CD160: variants seen among roughly 807,000 people sequenced by gnomAD.
CD160 encodes CD160 molecule, also known as CD160 antigen.
Under a neutral mutation model 19.2 loss-of-function variants are expected in CD160, and 11 were observed. The ratio of observed to expected loss-of-function variants is 0.57; its 90% confidence interval spans 0.36 to 0.95. CD160 has a LOEUF of 0.95. Among genes scored for constraint, CD160 ranks in the 40% least tolerant of loss-of-function variants. The probability of loss-of-function intolerance (pLI) is 0.01; values close to 1 mark genes in which losing one functional copy is unlikely to be tolerated. For missense variants in CD160, 182 were observed against 213.2 expected (o/e 0.85, Z 0.91); for synonymous variants, 75 against 81.1 (o/e 0.93, Z 0.40).
intron 1 of CD160, among the ~76,000 whole-genome samples, chr1:145,720,483 A>G (rs1200335817): frequency 2.0e-5 from 3 of 152,170 alleles, no homozygotes; most frequent in Non-Finnish European, 2.9e-5. Context: ...CTGTCTACTA[A>G]CAAGTCTGGT....
At chr1:145,737,095 C>T (rs1283928745) in intron 5 of CD160, 2 of 151,984 alleles carry the variant, frequency 1.3e-5, no homozygotes, top group African/African-American at 4.8e-5. Context: ...AAAACCCCAA[C>T]TATACAAAAA....
At chr1:145,726,902 A>G (rs1657072393) in intron 2 of CD160, among the ~76,000 whole-genome samples, 1 of 152,194 alleles carries the variant, frequency 6.6e-6, no homozygotes, top group East Asian at 1.9e-4. Context: ...GATCAAAAGA[A>G]TCAATGTCAC....
intron 1 of CD160, among the ~76,000 whole-genome samples, chr1:145,720,163 G>A (rs1009990237): frequency 6.6e-6 from 1 of 152,200 alleles, no homozygotes; most frequent in Non-Finnish European, 1.5e-5. Context: ...TTCTCCAAAT[G>A]TCCTTAACGC....
chr1:145,720,707 C>T (rs1656803082), intron 1 of CD160, among the ~76,000 whole-genome samples: 1 of 152,170 alleles, frequency 6.6e-6, no homozygotes, highest in East Asian at 1.9e-4. Context: ...CTCTTGTCCC[C>T]ACCCTCCCCA....
chr1:145,735,894 G>A, intron 4 of CD160, 103 bp from the exon 5 acceptor site: 1 of 802,628 alleles, frequency 1.2e-6, no homozygotes, highest in East Asian at 2.5e-5. Flanking sequence ...TACAGAGGGA[G>A]GAATCCTTGG....
At chr1:145,729,055 C>T (rs1464986927) in intron 3 of CD160, among the ~76,000 whole-genome samples, 2 of 152,154 alleles carry the variant, frequency 1.3e-5, no homozygotes, top group African/African-American at 4.8e-5. Context: ...AATACCTGCC[C>T]TCTATGGCTA....
chr1:145,723,489 T>C (rs893937408), intron 1 of CD160, among the ~76,000 whole-genome samples: 2 of 152,218 alleles, frequency 1.3e-5, no homozygotes, highest in Non-Finnish European at 2.9e-5. Flanking sequence ...TAGTTTATTG[T>C]TTTATACAAA....
rs782139228 is a variant in CD160 at position 145,731,047 on chromosome 1, A to AT, written c.383dup (p.Ser129LeufsTer22). The stretch of plus-strand genomic sequence containing the variant: ...AAGTCAGGTATCCGCCTTCAGGGCC[A>AT]TTTTTTCTCCATTCTATTCACAGGT... On this transcript the variant is annotated frameshift_variant, in exon 4 of 6. Coordinates refer to ENST00000369288, the MANE Select transcript of CD160 (RefSeq NM_007053.4). LOFTEE classifies it high-confidence loss of function. The AT allele has an allele frequency of 1.2e-6, 2 of 1,613,768 alleles. No homozygotes were observed. Among genetic ancestry groups the AT allele is most frequent in the Non-Finnish European group, 1.7e-6 (2 of 1,179,920 alleles).
At chr1:145,725,338 G>A (rs1211124213) in intron 2 of CD160, among the ~76,000 whole-genome samples, 2 of 151,878 alleles carry the variant, frequency 1.3e-5, no homozygotes, top group Non-Finnish European at 2.9e-5. Context: ...CCAGATACTC[G>A]GCAGGCTGAG....
At chr1:145,738,416 A>C in intron 5 of CD160, 70 bp from the exon 6 acceptor site, 1 of 1,074,582 alleles carries the variant, frequency 9.3e-7, no homozygotes, top group Non-Finnish European at 1.2e-6. Context: ...GACAGGTGAG[A>C]CTTCATTATA....
At position 145,728,349 on chromosome 1, in the gene CD160, G is replaced by A; in HGVS notation, c.22G>A (p.Gly8Ser). 6.2e-7 allele frequency: 1 copy of A among 1,613,430 alleles called. No individual in the cohort carries two copies. The highest frequency in any genetic ancestry group is 8.5e-7 in the Non-Finnish European group (1 of 1,179,790). Reference protein sequence around the residue: MLLEPGRGCCALAILLAI... With the variant: MLLEPGRSCCALAILLAI... ...CAGGATGCTGTTGGAACCCGGCAGA[G>A]GCTGCTGTGCCCTGGCCATCCTGCT... Residue 8 changes from glycine to serine, a missense_variant, in exon 3 of 6, where the codon GGC becomes AGC. Transcript: ENST00000369288.
chr1:145,734,361 C>G (rs927517095), intron 4 of CD160, among the ~76,000 whole-genome samples: 7 of 152,218 alleles, frequency 4.6e-5, no homozygotes, highest in African/African-American at 7.2e-5. Flanking sequence ...CATACTACCA[C>G]CAGCTTGTCT....
chr1:145,733,988 A>G (rs1326602251), intron 4 of CD160, among the ~76,000 whole-genome samples: 1 of 152,166 alleles, frequency 6.6e-6, no homozygotes, highest in African/African-American at 2.4e-5. Context: ...CCTCAAACTC[A>G]GTATCAAAGC....
At chr1:145,728,123 C>A (rs1006059741) in intron 2 of CD160, 133 bp from the exon 3 acceptor site, 2 of 526,306 alleles carry the variant, frequency 3.8e-6, no homozygotes, top group Non-Finnish European at 6.8e-6. Context: ...CACTTCCCAG[C>A]CAGCTGGACT....
chr1:145,736,133 A>G lies in CD160; in HGVS notation c.537A>G (p.Gln179=). The part of the protein sequence containing the change: ...VMLVTSLVAL[Q]AL ...TGGTCACCAGCCTTGTGGCCCTTCA[A>G]GGTATGTCCAAAAGAGCCGTAAGCA... Residue 179 remains glutamine, a splice_region_variant and synonymous_variant, in exon 5 of 6, where the codon CAA becomes CAG. Transcript: ENST00000369288. 6.2e-7 allele frequency: 1 copy of G among 1,614,168 alleles called. No homozygotes were observed. Among genetic ancestry groups the G allele is most frequent in the Admixed American group, 1.7e-5 (1 of 60,022 alleles).
intron 5 of CD160, 144 bp downstream of exon 5, chr1:145,736,278 GA>G (rs781809436): frequency 1.9e-6 from 3 of 1,555,224 alleles, no homozygotes; most frequent in Non-Finnish European, 2.6e-6. Flanking sequence ...CTATCCACAG[GA>G]AAGTTCAAAC....
chr1:145,729,861 A>G (rs1348298519), intron 3 of CD160, among the ~76,000 whole-genome samples: 3 of 152,118 alleles, frequency 2.0e-5, no homozygotes, highest in East Asian at 1.9e-4. Flanking sequence ...CTCTCATCCT[A>G]TATTTCTTAG....
chr1:145,725,784 C>A lies in CD160; in HGVS notation c.-73+878C>A, dbSNP rs1211365720. Reference sequence around the variant, plus strand: ...AAAAAAGACAGAGATTCATTATTACCATTATTATTTAATATTTTTCTGGAG... The same window carrying A: ...AAAAAAGACAGAGATTCATTATTACAATTATTATTTAATATTTTTCTGGAG... On this transcript the variant is annotated intron_variant, in intron 2 of 5. Transcript: ENST00000369288. Among the ~76,000 whole-genome samples the A allele has an allele frequency of 2.0e-5, 3 of 152,000 alleles. No homozygotes were observed. In the East Asian group the frequency reaches 5.8e-4, roughly 29 times the overall value.
At chr1:145,735,778 C>T (rs1657460833) in intron 4 of CD160, among the ~76,000 whole-genome samples, 1 of 152,204 alleles carries the variant, frequency 6.6e-6, no homozygotes, top group Admixed American at 6.5e-5. Flanking sequence ...TAAGATCTAT[C>T]TGCATCCCTA....
Sources: allele counts gnomAD v4.1 joint callset (sites outside exome capture counted in the v4.1 genomes callset), GRCh38; gene constraint gnomAD v4.1.1; transcripts MANE v1.5; gene names NCBI Gene and HGNC (gene_info 2026-07-23, HGNC 2026-07-21).